The following ARNT variants were observed in gnomAD, a reference collection of about 807,000 sequenced individuals.
ARNT encodes the protein aryl hydrocarbon receptor nuclear translocator.
A neutral mutation model predicts 105.0 loss-of-function variants in ARNT; 30 were observed. That is an observed-to-expected ratio of 0.29 (90% confidence interval 0.21 to 0.39). The LOEUF is 0.39. Ranked by LOEUF, ARNT falls within the 10% of genes least tolerant of loss-of-function variation. The probability of loss-of-function intolerance (pLI) is 1.00; values close to 1 mark genes in which losing one functional copy is unlikely to be tolerated. For synonymous variants in ARNT, 304 were observed against 344.0 expected, an observed-to-expected ratio of 0.88 and a Z score of 1.29; for missense variants, 748 against 978.7, an observed-to-expected ratio of 0.76 and a Z score of 3.15.
In ARNT at chr1:150,831,810, T is replaced by G. The variant is rs1160479784; in HGVS notation, c.955+8A>C. 1.9e-6 allele frequency: 3 copies of G among 1,602,318 alleles called. No homozygotes were observed. The highest frequency in any genetic ancestry group is 1.3e-5 in the African/African-American group (1 of 74,088). On this transcript the variant is annotated splice_region_variant and intron_variant, in intron 10 of 21. Transcript: ENST00000358595. ...CAAGGGGAAATATTTACTATTTCAC[T>G]TTCTTACCTGCTGGGGGCCAGGCCT...
At chr1:150,817,839 A>T in intron 15 of ARNT, 81 bp downstream of exon 15, 1 of 1,191,556 alleles carries the variant, frequency 8.4e-7, no homozygotes, top group Non-Finnish European at 1.2e-6. Flanking sequence ...AAATTAACCA[A>T]CCGAACAAAA....
chr1:150,861,542 G>A (rs1665640091), intron 1 of ARNT, among the ~76,000 whole-genome samples: 1 of 152,158 alleles, frequency 6.6e-6, no homozygotes, highest in African/African-American at 2.4e-5. Context: ...GAACATGGTG[G>A]CTTACACCTG....
At chr1:150,866,275 GGTCA>G (rs3062354) in intron 1 of ARNT, among the ~76,000 whole-genome samples, 127,104 of 151,724 alleles carry the variant, frequency 0.84, 53,950 homozygotes, top group Non-Finnish European at 0.9. Context: ...GAGCCACCAA[GGTCA>G]GTCAGCCTGT....
chr1:150,830,965 T>C (rs1659267584), intron 10 of ARNT, among the ~76,000 whole-genome samples: 1 of 152,202 alleles, frequency 6.6e-6, no homozygotes, highest in South Asian at 2.1e-4. Flanking sequence ...TTTATTGGGT[T>C]ACCTGCCATA....
intron 1 of ARNT, among the ~76,000 whole-genome samples, chr1:150,873,058 G>A (rs374773764): frequency 6.6e-6 from 1 of 152,046 alleles, no homozygotes; most frequent in Admixed American, 6.6e-5. Context: ...GCCGAGGCAG[G>A]CGGATCACAA....
intron 16 of ARNT, 60 bp downstream of exon 16, chr1:150,817,301 C>T (rs1025030909): frequency 2.0e-5 from 32 of 1,610,366 alleles, no homozygotes; most frequent in Non-Finnish European, 2.6e-5. Context: ...TAACTAGTAC[C>T]GGAGAACACT....
intron 2 of ARNT, among the ~76,000 whole-genome samples, chr1:150,857,407 T>C (rs1413802102): frequency 6.6e-6 from 1 of 152,212 alleles, no homozygotes; most frequent in East Asian, 1.9e-4. Context: ...CTTTACAATC[T>C]TAGAAAGTTA....
At chr1:150,819,604 T>C (rs587762620) in intron 14 of ARNT, among the ~76,000 whole-genome samples, 105 of 152,316 alleles carry the variant, frequency 6.9e-4, no homozygotes, top group South Asian at 1.2e-3. Flanking sequence ...TACTGATACA[T>C]GCTACAACAT....
chr1:150,870,635 G>A (rs1038952653), intron 1 of ARNT, among the ~76,000 whole-genome samples: 16 of 152,140 alleles, frequency 1.1e-4, no homozygotes, highest in Admixed American at 5.2e-4. Context: ...AGTCTCCCAC[G>A]TAGCTGGGAC....
At chr1:150,826,658 T>TC in intron 12 of ARNT, 41 bp from the exon 13 acceptor site, 1 of 1,491,024 alleles carries the variant, frequency 6.7e-7, no homozygotes, top group Non-Finnish European at 9.2e-7. Context: ...ACTTTTTTTT[T>TC]TTTAAGATGG....
intron 5 of ARNT, chr1:150,842,192 TAAAAC>T (rs1661410736): frequency 1.1e-6 from 1 of 896,644 alleles, no homozygotes; most frequent in Non-Finnish European, 1.3e-6. Context: ...AAAAAAAACT[TAAAAC>T]TAATAGCAAT....
rs1358556822 is a variant in ARNT at position 150,816,347 on chromosome 1, A to T, written c.1862T>A (p.Met621Lys). 2.5e-6 allele frequency: 4 copies of T among 1,609,786 alleles called. No homozygotes were observed. Among genetic ancestry groups the T allele is most frequent in the Middle Eastern group, 1.7e-4 (1 of 6,044 alleles). Residue 621 changes from methionine to lysine, a missense_variant, in exon 19 of 22, where the codon ATG becomes AAG. This residue lies in a region of ARNT where 360 missense variants were observed against 411.9 expected (regional missense o/e 0.87). Coordinates refer to ENST00000358595, the MANE Select transcript of ARNT (RefSeq NM_001668.4). Reference sequence around the variant, plus strand: ...GGAGTGGCGGGAAATCTGGGCCAACATCTGTCCTGCAGAAGCTGATGGCTG... The same window carrying T: ...GGAGTGGCGGGAAATCTGGGCCAACTTCTGTCCTGCAGAAGCTGATGGCTG... ...IVQPSASAGQ[M>K]LAQISRHSNP...
chr1:150,816,135 G>A, intron 19 of ARNT, 124 bp downstream of exon 19: 1 of 1,242,298 alleles, frequency 8.0e-7, no homozygotes, highest in Non-Finnish European at 1.1e-6. Context: ...GATGGAAATT[G>A]GAAACCGGAG....
chr1:150,820,289 C>T (rs1342550743), intron 14 of ARNT, among the ~76,000 whole-genome samples: 1 of 152,200 alleles, frequency 6.6e-6, no homozygotes, highest in Non-Finnish European at 1.5e-5. Flanking sequence ...AAAACATAGT[C>T]CTTTCCAGAA....
chr1:150,856,297 G>A (rs1237998956), intron 2 of ARNT, among the ~76,000 whole-genome samples: 1 of 151,898 alleles, frequency 6.6e-6, no homozygotes, highest in Non-Finnish European at 1.5e-5. Flanking sequence ...AAAATTAGTC[G>A]GGCATCATGG....
At chr1:150,836,849 T>C (rs147769146) in intron 6 of ARNT, among the ~76,000 whole-genome samples, 1 of 152,244 alleles carries the variant, frequency 6.6e-6, no homozygotes, top group Non-Finnish European at 1.5e-5. Context: ...AAGACCAGCC[T>C]AGGCAATGGG....
chr1:150,859,001 T>C (rs1665124390), intron 1 of ARNT, among the ~76,000 whole-genome samples: 1 of 152,022 alleles, frequency 6.6e-6, no homozygotes, highest in Non-Finnish European at 1.5e-5. Context: ...GAAGAAGTAC[T>C]ATATTCTGCA....
At chr1:150,853,489 C>A (rs587712215) in intron 2 of ARNT, among the ~76,000 whole-genome samples, 13 of 152,244 alleles carry the variant, frequency 8.5e-5, no homozygotes, top group African/African-American at 3.1e-4. Context: ...TGCTCTAAGC[C>A]GTGTTACCAA....
chr1:150,867,615 T>C (rs1666819670), intron 1 of ARNT, among the ~76,000 whole-genome samples: 1 of 152,174 alleles, frequency 6.6e-6, no homozygotes, highest in African/African-American at 2.4e-5. Flanking sequence ...TTGGAGTCTT[T>C]TATACATAAA....
Sources: gnomAD v4.1 joint callset for allele counts (sites outside exome capture counted in the v4.1 genomes callset) on GRCh38, gnomAD v4.1.1 for gene constraint, gnomAD v4.1.1 regional missense constraint, MANE v1.5 for transcripts, NCBI Gene and HGNC (gene_info 2026-07-23, HGNC 2026-07-21) for gene names.